TNFSF4: variants seen among roughly 807,000 people sequenced by gnomAD.
TNFSF4 encodes tumor necrosis factor ligand superfamily member 4.
TNFSF4 carries 4 observed loss-of-function variants against 7.3 expected under a neutral mutation model. That is an observed-to-expected ratio of 0.55 (90% CI 0.27 to 1.25). The LOEUF is 1.25. Among genes scored for constraint, TNFSF4 ranks in the 50% most tolerant of loss-of-function variants. The pLI, the probability that TNFSF4 is intolerant of heterozygous loss-of-function variation, is 0.12. For missense variants in TNFSF4, 181 were observed against 208.8 expected (o/e 0.87, Z 0.82); for synonymous variants, 76 against 83.7 (o/e 0.91, Z 0.50).
At chr1:173,375,528 C>T in the TNFSF4 span, among the ~76,000 whole-genome samples, 1 of 152,134 alleles carries the variant, frequency 6.6e-6, no homozygotes, top group African/African-American at 2.4e-5. Flanking sequence ...CTGTAGCTAG[C>T]ATTGTAAAAC....
chr1:173,391,267 C>T, the TNFSF4 span, among the ~76,000 whole-genome samples: 1 of 149,360 alleles, frequency 6.7e-6, no homozygotes, highest in South Asian at 2.2e-4. Flanking sequence ...TCTCCATGTC[C>T]CTATGCATCC....
intron 1 of TNFSF4, among the ~76,000 whole-genome samples, chr1:173,204,525 T>C (rs1438473974): frequency 6.6e-6 from 1 of 152,180 alleles, no homozygotes; most frequent in South Asian, 2.1e-4. Flanking sequence ...GAGCCATTCA[T>C]GTAGGCAATT....
At chr1:173,353,188 T>C in the TNFSF4 span, among the ~76,000 whole-genome samples, 4 of 152,102 alleles carry the variant, frequency 2.6e-5, no homozygotes, top group Non-Finnish European at 5.9e-5. Flanking sequence ...ACAAAGATGA[T>C]GGGATTAAGA....
the TNFSF4 span, among the ~76,000 whole-genome samples, chr1:173,370,756 G>T: frequency 2.0e-5 from 3 of 151,916 alleles, no homozygotes; most frequent in African/African-American, 7.3e-5. Flanking sequence ...AAGAGGAACA[G>T]GCTGAAAAGG....
the TNFSF4 span, among the ~76,000 whole-genome samples, chr1:173,395,033 TA>T: frequency 0.089 from 9,283 of 103,886 alleles, 306 homozygotes; most frequent in African/African-American, 0.11. Context: ...GATAGATAGA[TA>T]GATGATAGAT....
the TNFSF4 span, among the ~76,000 whole-genome samples, chr1:173,402,611 A>G: frequency 3.0e-3 from 459 of 152,346 alleles, 1 homozygote; most frequent in African/African-American, 1.0e-2. Context: ...CTTTCCCCAG[A>G]GCACTATTTC....
At chr1:173,421,463 C>T in the TNFSF4 span, among the ~76,000 whole-genome samples, 1 of 152,140 alleles carries the variant, frequency 6.6e-6, no homozygotes, top group Non-Finnish European at 1.5e-5. Context: ...TCCCTCCCTA[C>T]CATACTGCCC....
chr1:173,403,641 C>A, the TNFSF4 span, among the ~76,000 whole-genome samples: 1 of 152,198 alleles, frequency 6.6e-6, no homozygotes, highest in Non-Finnish European at 1.5e-5. Context: ...CGGTGGCTCA[C>A]GCCTGTAATC....
At chr1:173,409,055 T>A in the TNFSF4 span, among the ~76,000 whole-genome samples, 1 of 152,164 alleles carries the variant, frequency 6.6e-6, no homozygotes, top group African/African-American at 2.4e-5. Flanking sequence ...GCACCACCTG[T>A]AGGATGCAAT....
At chr1:173,429,982 A>T in the TNFSF4 span, among the ~76,000 whole-genome samples, 6 of 152,190 alleles carry the variant, frequency 3.9e-5, no homozygotes, top group Non-Finnish European at 8.8e-5. Context: ...AGCCCACTCA[A>T]GTGCTATCCT....
chr1:173,224,549 C>G, the TNFSF4 span, among the ~76,000 whole-genome samples: 6,722 of 152,256 alleles, frequency 0.044, 172 homozygotes, highest in African/African-American at 0.072. Flanking sequence ...TTTGAAAACT[C>G]TTGCTGAGCA....
chr1:173,432,751 T>C, the TNFSF4 span, among the ~76,000 whole-genome samples: 1 of 152,136 alleles, frequency 6.6e-6, no homozygotes, highest in African/African-American at 2.4e-5. Flanking sequence ...GAAGGAGCAT[T>C]AAAAACCAGT....
At chr1:173,339,515 T>A in the TNFSF4 span, among the ~76,000 whole-genome samples, 1 of 152,226 alleles carries the variant, frequency 6.6e-6, no homozygotes, top group Non-Finnish European at 1.5e-5. Context: ...ACATATTTCA[T>A]CCTTATTTTG....
At chr1:173,217,345 AC>A in the TNFSF4 span, among the ~76,000 whole-genome samples, 10 of 152,140 alleles carry the variant, frequency 6.6e-5, no homozygotes, top group Middle Eastern at 3.4e-3. Context: ...CTCTGATCCT[AC>A]CTTGATTTTA....
At chr1:173,295,392 AC>A in the TNFSF4 span, among the ~76,000 whole-genome samples, 2 of 152,004 alleles carry the variant, frequency 1.3e-5, no homozygotes, top group African/African-American at 4.8e-5. Context: ...CAAAATACTA[AC>A]CTATAATAAA....
At chr1:173,368,313 C>G in the TNFSF4 span, among the ~76,000 whole-genome samples, 2 of 152,156 alleles carry the variant, frequency 1.3e-5, no homozygotes, top group East Asian at 3.9e-4. Flanking sequence ...AGCTGTAACA[C>G]TCACTGCAAA....
chr1:173,442,545 G>GTTTTTTTTT, the TNFSF4 span, among the ~76,000 whole-genome samples: 82 of 93,460 alleles, frequency 8.8e-4, 12 homozygotes, highest in East Asian at 6.2e-3. Context: ...TTTCGTTTTT[G>GTTTTTTTTT]TTTTTGTTTT....
chr1:173,402,493 C>G, the TNFSF4 span, among the ~76,000 whole-genome samples: 2 of 152,336 alleles, frequency 1.3e-5, no homozygotes, highest in East Asian at 3.9e-4. Context: ...CCACACCTGA[C>G]CTAATTTTGT....
chr1:173,187,842 C>G (rs1340049582), intron 2 of TNFSF4, among the ~76,000 whole-genome samples: 3 of 152,208 alleles, frequency 2.0e-5, no homozygotes, highest in African/African-American at 4.8e-5. Context: ...ACACCCTGTT[C>G]TGGCCCATGT....
Sources: gnomAD v4.1 joint callset for allele counts (sites outside exome capture counted in the v4.1 genomes callset) on GRCh38, gnomAD v4.1.1 for gene constraint, MANE v1.5 for transcripts, NCBI Gene and HGNC (gene_info 2026-07-23, HGNC 2026-07-21) for gene names.